Variants in INPP5A observed in about 807,000 individuals in gnomAD.
The protein encoded by INPP5A is inositol polyphosphate-5-phosphatase A.
INPP5A carries 14 observed loss-of-function variants against 65.2 expected under a neutral mutation model. That is an observed-to-expected ratio of 0.21 (90% CI 0.14 to 0.34). The LOEUF (loss-of-function observed/expected upper bound fraction) is 0.34, where lower values mean the gene tolerates loss of function less well. Ranked by LOEUF, INPP5A falls within the 10% of genes least tolerant of loss-of-function variation. INPP5A has a pLI of 1.00. For missense variants in INPP5A, 431 were observed against 545.6 expected, an observed-to-expected ratio of 0.79 and a Z score of 2.09; for synonymous variants, 207 against 208.3, an observed-to-expected ratio of 0.99 and a Z score of 0.05.
intron 8 of INPP5A, among the ~76,000 whole-genome samples, chr10:132,720,639 G>A (rs1845853783): frequency 6.6e-6 from 1 of 151,126 alleles, no homozygotes; most frequent in Admixed American, 6.6e-5. Context: ...TTCTGTCTGG[G>A]CACCTTAGAC....
At chr10:132,660,999 A>T (rs1168272696) in intron 4 of INPP5A, among the ~76,000 whole-genome samples, 1 of 152,154 alleles carries the variant, frequency 6.6e-6, no homozygotes, top group African/African-American at 2.4e-5. Flanking sequence ...AGGAGGGAGG[A>T]AAACCAGATC....
chr10:132,576,326 G>A (rs1345259760), intron 1 of INPP5A, among the ~76,000 whole-genome samples: 1 of 152,244 alleles, frequency 6.6e-6, no homozygotes, highest in Non-Finnish European at 1.5e-5. Context: ...GGAGAGGAGA[G>A]TATGGAGAGG....
intron 4 of INPP5A, among the ~76,000 whole-genome samples, chr10:132,687,287 C>T (rs185266465): frequency 1.1e-3 from 164 of 152,352 alleles, no homozygotes; most frequent in African/African-American, 3.7e-3. Flanking sequence ...TGGCTCAGTT[C>T]CCCGGGTTCT....
chr10:132,775,238 G>T (rs1416809138), intron 12 of INPP5A, among the ~76,000 whole-genome samples: 2 of 150,268 alleles, frequency 1.3e-5, no homozygotes, highest in African/African-American at 4.9e-5. Context: ...GGGAGGGGCA[G>T]TGCCTGCAGA....
At chr10:132,781,830 G>A (rs752717945) in intron 14 of INPP5A, 31 bp from the exon 15 acceptor site, 18 of 1,594,446 alleles carry the variant, frequency 1.1e-5, no homozygotes, top group Admixed American at 1.7e-5. Context: ...CGCGTGCGCC[G>A]TGCTGACACC....
chr10:132,634,689 A>T (rs2072318981), intron 2 of INPP5A, among the ~76,000 whole-genome samples: 1 of 152,130 alleles, frequency 6.6e-6, no homozygotes. Flanking sequence ...CCATATACAC[A>T]TTTGTGGTTG....
At chr10:132,589,854 G>A (rs560727700) in intron 1 of INPP5A, among the ~76,000 whole-genome samples, 11 of 152,302 alleles carry the variant, frequency 7.2e-5, no homozygotes, top group African/African-American at 2.6e-4. Flanking sequence ...AGGGGGTGAC[G>A]CAGGTTATCC....
chr10:132,731,088 T>C (rs901210396), intron 9 of INPP5A, among the ~76,000 whole-genome samples: 3 of 152,040 alleles, frequency 2.0e-5, no homozygotes, highest in Non-Finnish European at 2.9e-5. Context: ...GGGCCCTGGG[T>C]GGGGTCTCCA....
intron 5 of INPP5A, among the ~76,000 whole-genome samples, chr10:132,693,080 ATAG>A (rs1845294519): frequency 6.6e-6 from 1 of 152,218 alleles, no homozygotes; most frequent in African/African-American, 2.4e-5. Flanking sequence ...TTTAAGGAAT[ATAG>A]TATTATTTAA....
chr10:132,721,122 C>G (rs1200646621), intron 8 of INPP5A, among the ~76,000 whole-genome samples: 8 of 142,108 alleles, frequency 5.6e-5, no homozygotes, highest in Non-Finnish European at 1.2e-4. Flanking sequence ...CGACTGTCTT[C>G]AGGGTTCTGT....
At position 132,707,421 on chromosome 10, in the gene INPP5A, G is replaced by A. The variant is rs72868929; in HGVS notation, c.475-892G>A. ...CCAGTGCCTTCTGTGGTTTTCAAGG[G>A]TTTCCCAAGAGGCCTAGGCTGTGAA... On this transcript the variant is annotated intron_variant, in intron 6 of 15. Coordinates refer to ENST00000368594, the MANE Select transcript of INPP5A (RefSeq NM_005539.5). The surrounding 1 kb of genome is among the most constrained non-coding windows in gnomAD (Gnocchi z 5.5). Among the ~76,000 whole-genome samples the A allele has an allele frequency of 0.013, 2,017 of 152,356 alleles. 29 individuals carry two copies. The highest frequency in any genetic ancestry group is 0.023 in the Non-Finnish European group (1,539 of 68,038).
intron 1 of INPP5A, among the ~76,000 whole-genome samples, chr10:132,566,766 C>T (rs1302795459): frequency 1.3e-5 from 2 of 152,164 alleles, no homozygotes; most frequent in Non-Finnish European, 2.9e-5. Context: ...CCACTAGTGT[C>T]AGGGACAAGA....
intron 4 of INPP5A, among the ~76,000 whole-genome samples, chr10:132,682,904 T>G (rs1005792913): frequency 2.0e-5 from 3 of 152,056 alleles, no homozygotes; most frequent in Admixed American, 6.5e-5. Context: ...TGTACACATG[T>G]GTGTGATCCT....
chr10:132,563,251 G>A lies in INPP5A; in HGVS notation c.75+25080G>A, dbSNP rs552723166. On this transcript the variant is annotated intron_variant, in intron 1 of 15. Coordinates refer to ENST00000368594, the MANE Select transcript of INPP5A (RefSeq NM_005539.5). ...CCCTGCACACCCTCACAGTCCCTGG[G>A]GGCTGGCGGTGGCATTGGCATTGCT... 2.6e-5 allele frequency among the ~76,000 whole-genome samples: 4 copies of A among 152,324 alleles called. No individual in the cohort carries two copies. In the South Asian group the frequency reaches 8.3e-4, roughly 32 times the overall value.
intron 1 of INPP5A, among the ~76,000 whole-genome samples, chr10:132,560,449 C>T (rs1205885607): frequency 6.6e-6 from 1 of 152,206 alleles, no homozygotes; most frequent in East Asian, 1.9e-4. Flanking sequence ...ATCTTTTTTA[C>T]TGTAACCGTC....
intron 8 of INPP5A, among the ~76,000 whole-genome samples, chr10:132,711,260 G>A (rs903441301): frequency 3.9e-5 from 6 of 152,162 alleles, no homozygotes; most frequent in Non-Finnish European, 8.8e-5. Context: ...GGCTGTCACT[G>A]GGAAGCAGGG....
intron 6 of INPP5A, among the ~76,000 whole-genome samples, chr10:132,701,972 G>A (rs1302348318): frequency 4.6e-5 from 7 of 152,226 alleles, no homozygotes; most frequent in African/African-American, 1.2e-4. Context: ...TGCATGGGAC[G>A]CCCTCTGTGA....
chr10:132,712,027 G>A (rs1413025448), intron 8 of INPP5A, among the ~76,000 whole-genome samples: 1 of 152,246 alleles, frequency 6.6e-6, no homozygotes. Context: ...TCAAGAGCAG[G>A]AGTGGGAGAG....
intron 8 of INPP5A, among the ~76,000 whole-genome samples, chr10:132,724,663 A>G (rs991793695): frequency 2.6e-4 from 39 of 150,960 alleles, no homozygotes; most frequent in Admixed American, 4.6e-4. Flanking sequence ...ACTCACAGGG[A>G]GGCCCCAGGA....
Sources: gnomAD v4.1 joint callset for allele counts (sites outside exome capture counted in the v4.1 genomes callset) on GRCh38, gnomAD v4.1.1 for gene constraint, Gnocchi (gnomAD v3.1) non-coding constraint, MANE v1.5 for transcripts, NCBI Gene and HGNC (gene_info 2026-07-23, HGNC 2026-07-21) for gene names.